The following CDH13 variants were observed in gnomAD, a reference collection of about 807,000 sequenced individuals.
CDH13 encodes the protein cadherin 13, also known as cadherin-13.
CDH13 carries 24 observed loss-of-function variants against 63.8 expected under a neutral mutation model. The ratio of observed to expected loss-of-function variants is 0.38; its 90% confidence interval spans 0.27 to 0.53. The LOEUF (loss-of-function observed/expected upper bound fraction) is 0.53. CDH13 is among the 20% of genes least tolerant of loss of function. CDH13 has a pLI of 0.85. For missense variants in CDH13, 1,049 were observed against 903.1 expected (o/e 1.16, Z -2.07); for synonymous variants, 503 against 355.3 (o/e 1.42, Z -4.67).
At chr16:83,618,985 G>C (rs920793910) in intron 8 of CDH13, among the ~76,000 whole-genome samples, 1 of 152,190 alleles carries the variant, frequency 6.6e-6, no homozygotes. Context: ...TTTTTCCAGT[G>C]TTGGCACTTT....
At position 82,803,035 on chromosome 16, in the gene CDH13, A is replaced by G. The variant is rs993417254; in HGVS notation, c.46-55327A>G. Among the ~76,000 whole-genome samples, 4 of 152,206 alleles carry G rather than the reference A, an allele frequency of 2.6e-5. No individual in the cohort carries two copies. The East Asian group carries it at 5.8e-4, about 22-fold the overall frequency. ...TTTCTTCCTTCCAGTGTGCTATTCT[A>G]TAGTAGAAACAGTGCCAGGCCATGG... On this transcript the variant is annotated intron_variant, in intron 1 of 13. Transcript: ENST00000567109.
chr16:82,908,572 C>A (rs529441160), intron 2 of CDH13, among the ~76,000 whole-genome samples: 1 of 152,154 alleles, frequency 6.6e-6, no homozygotes, highest in Admixed American at 6.5e-5. Flanking sequence ...TTAAATAGTT[C>A]AGAAAAACAG....
chr16:83,756,994 G>C (rs544488513), intron 11 of CDH13, among the ~76,000 whole-genome samples: 1 of 152,186 alleles, frequency 6.6e-6, no homozygotes, highest in East Asian at 1.9e-4. Flanking sequence ...AAATTCCCAA[G>C]GAAAATTACC....
chr16:83,411,931 C>T (rs564368964), intron 6 of CDH13, among the ~76,000 whole-genome samples: 8 of 152,226 alleles, frequency 5.3e-5, no homozygotes, highest in Non-Finnish European at 7.3e-5. Flanking sequence ...GCATGATAAG[C>T]GCATAAGGAG....
At chr16:83,408,811 C>T (rs2092085347) in intron 6 of CDH13, among the ~76,000 whole-genome samples, 1 of 152,068 alleles carries the variant, frequency 6.6e-6, no homozygotes, top group South Asian at 2.1e-4. Context: ...TGGATATAAA[C>T]CTATATATCC....
At chr16:83,452,826 G>A (rs1171755746) in intron 6 of CDH13, among the ~76,000 whole-genome samples, 26 of 152,156 alleles carry the variant, frequency 1.7e-4, no homozygotes, top group Admixed American at 1.7e-3. Context: ...GGTGGGTTTT[G>A]GAAGGAGAAA....
At chr16:83,402,007 A>G (rs1023552301) in intron 6 of CDH13, among the ~76,000 whole-genome samples, 13 of 152,318 alleles carry the variant, frequency 8.5e-5, no homozygotes, top group Admixed American at 5.2e-4. Flanking sequence ...TCAAAAGAAA[A>G]GAAATGTTTC....
intron 6 of CDH13, among the ~76,000 whole-genome samples, chr16:83,454,577 G>A (rs1210151714): frequency 1.3e-5 from 2 of 152,058 alleles, no homozygotes; most frequent in African/African-American, 4.8e-5. Context: ...CTGTGTAATG[G>A]TCCATCAAGT....
chr16:83,558,821 T>A (rs1424523758), intron 7 of CDH13, among the ~76,000 whole-genome samples: 1 of 152,152 alleles, frequency 6.6e-6, no homozygotes, highest in Non-Finnish European at 1.5e-5. Context: ...TTTAAATAAT[T>A]TACCCACGTG....
At chr16:82,960,228 G>A (rs1906764360) in intron 2 of CDH13, among the ~76,000 whole-genome samples, 1 of 152,120 alleles carries the variant, frequency 6.6e-6, no homozygotes, top group Non-Finnish European at 1.5e-5. Context: ...AGAAGCAGTA[G>A]GATAAGGGAC....
chr16:83,069,073 C>A (rs1055130597), intron 3 of CDH13, among the ~76,000 whole-genome samples: 1 of 152,148 alleles, frequency 6.6e-6, no homozygotes, highest in Non-Finnish European at 1.5e-5. Flanking sequence ...TCTCAAAATC[C>A]CAAAGGCATG....
intron 1 of CDH13, among the ~76,000 whole-genome samples, chr16:82,734,878 C>G (rs974226952): frequency 6.6e-6 from 1 of 152,172 alleles, no homozygotes; most frequent in Non-Finnish European, 1.5e-5. Context: ...TGCCTGCTGA[C>G]CGCACTCCCA....
intron 3 of CDH13, among the ~76,000 whole-genome samples, chr16:83,052,801 A>AAAAAAAAAAAAAAAAAAAAGAAAGAAAG (rs1555571697): frequency 3.3e-5 from 4 of 122,654 alleles, no homozygotes; most frequent in African/African-American, 1.3e-4. Flanking sequence ...AAAAAAAAAA[A>AAAAAAAAAAAAAAAAAAAAGAAAGAAAG]AAAGAAAGAA....
At chr16:83,309,913 CT>C (rs1567581812) in intron 5 of CDH13, among the ~76,000 whole-genome samples, 1 of 151,866 alleles carries the variant, frequency 6.6e-6, no homozygotes, top group Non-Finnish European at 1.5e-5. Flanking sequence ...CAGAATAATC[CT>C]GGGTGAAAGT....
intron 3 of CDH13, among the ~76,000 whole-genome samples, chr16:83,075,468 T>C (rs1043096338): frequency 4.6e-5 from 7 of 152,322 alleles, no homozygotes; most frequent in Non-Finnish European, 8.8e-5. Flanking sequence ...GTTCTTGACC[T>C]AGAATGGCCT....
At chr16:83,151,764 C>T (rs7204121) in intron 4 of CDH13, among the ~76,000 whole-genome samples, 3,468 of 152,176 alleles carry the variant, frequency 0.023, 93 homozygotes, top group South Asian at 0.083. Flanking sequence ...CAGGAGTTCA[C>T]GGCCAGCCTG....
At chr16:83,727,499 A>G (rs779461442) in intron 10 of CDH13, among the ~76,000 whole-genome samples, 25 of 151,486 alleles carry the variant, frequency 1.7e-4, no homozygotes, top group South Asian at 6.3e-4. Flanking sequence ...TTTAGTGCAC[A>G]CCTATCCACC....
At chr16:82,978,954 T>C (rs1909894949) in intron 2 of CDH13, among the ~76,000 whole-genome samples, 2 of 151,916 alleles carry the variant, frequency 1.3e-5, no homozygotes, top group African/African-American at 2.4e-5. Flanking sequence ...GGGAGGGGGG[T>C]TGTACCCTGC....
chr16:83,716,796 A>G (rs1457346046), intron 10 of CDH13, among the ~76,000 whole-genome samples: 2 of 152,050 alleles, frequency 1.3e-5, no homozygotes, highest in African/African-American at 4.8e-5. Flanking sequence ...CTCTTTAATG[A>G]TTGTTTACTT....
Sources: allele counts gnomAD v4.1 joint callset (sites outside exome capture counted in the v4.1 genomes callset), GRCh38; gene constraint gnomAD v4.1.1; transcripts MANE v1.5; gene names NCBI Gene and HGNC (gene_info 2026-07-23, HGNC 2026-07-21).